The following BTBD7 variants were observed in gnomAD, a reference collection of about 807,000 sequenced individuals.
BTBD7 encodes the protein BTB/POZ domain-containing protein 7.
BTBD7 carries 38 observed loss-of-function variants against 99.9 expected under a neutral mutation model. The observed-to-expected ratio is 0.38, with a 90% CI of 0.29 to 0.50. The LOEUF is 0.50. BTBD7 is among the 20% of genes least tolerant of loss of function. The pLI, the probability that BTBD7 is intolerant of heterozygous loss-of-function variation, is 0.93. For missense variants in BTBD7, 1,170 were observed against 1,394.6 expected (o/e 0.84, Z 2.57); for synonymous variants, 520 against 511.4 (o/e 1.02, Z -0.23).
intron 1 of BTBD7, among the ~76,000 whole-genome samples, chr14:93,315,198 A>G (rs999154245): frequency 1.1e-4 from 17 of 152,284 alleles, no homozygotes; most frequent in African/African-American, 4.1e-4. Context: ...TCCAAATTAG[A>G]GTATGTGGGT....
intron 7 of BTBD7, among the ~76,000 whole-genome samples, chr14:93,252,828 GTTT>G (rs370701439): frequency 2.7e-5 from 4 of 146,736 alleles, no homozygotes; most frequent in Non-Finnish European, 4.5e-5. Flanking sequence ...TTTGTTTTTT[GTTT>G]TTTTTTTGAA....
intron 4 of BTBD7, among the ~76,000 whole-genome samples, chr14:93,262,189 G>T (rs918964869): frequency 1.3e-5 from 2 of 151,102 alleles, no homozygotes; most frequent in Admixed American, 6.6e-5. Flanking sequence ...CTGGAGTGCA[G>T]TGGTGTGATC....
At position 93,238,074 on chromosome 14, in the gene BTBD7, T is replaced by C. The variant is rs1238078411; in HGVS notation, c.*4199A>G. 1 of 152,524 alleles carries C rather than the reference T, an allele frequency of 6.6e-6. No homozygotes were observed. The highest frequency in any genetic ancestry group is 2.4e-5 in the African/African-American group (1 of 41,456). The allele number at this position is 152,524 out of a possible 1,614,324, so 9.4% of individuals were successfully genotyped here. ...CCCATGTAACCCAGATACAGTTACA[T>C]GTAGGTACAGATGATGAAGCTTCCA... On this transcript the variant is annotated 3_prime_UTR_variant, in exon 11 of 11. Transcript: ENST00000334746.
intron 1 of BTBD7, among the ~76,000 whole-genome samples, chr14:93,325,773 G>C (rs2053324062): frequency 6.6e-6 from 1 of 152,160 alleles, no homozygotes; most frequent in South Asian, 2.1e-4. Flanking sequence ...AAACCCCAAC[G>C]ATGCTCTAAA....
intron 1 of BTBD7, among the ~76,000 whole-genome samples, chr14:93,325,254 T>C (rs1256051500): frequency 2.6e-5 from 4 of 151,674 alleles, no homozygotes; most frequent in East Asian, 3.9e-4. Context: ...GCTGGGATTA[T>C]AGGCACCTGC....
At chr14:93,298,845 T>G (rs1365349404) in intron 1 of BTBD7, among the ~76,000 whole-genome samples, 1 of 152,180 alleles carries the variant, frequency 6.6e-6, no homozygotes, top group Non-Finnish European at 1.5e-5. Context: ...AAGAACAAGT[T>G]GCAAACACTA....
chr14:93,321,861 G>T (rs1485031880), intron 1 of BTBD7, among the ~76,000 whole-genome samples: 1 of 152,056 alleles, frequency 6.6e-6, no homozygotes, highest in Non-Finnish European at 1.5e-5. Flanking sequence ...ACTGACAATA[G>T]AAAGTGTGAG....
chr14:93,262,554 G>C (rs1047012070), intron 4 of BTBD7, among the ~76,000 whole-genome samples: 2 of 152,070 alleles, frequency 1.3e-5, no homozygotes, highest in African/African-American at 4.8e-5. Flanking sequence ...TCTTTTGGAA[G>C]AAAACAGAGA....
At position 93,300,756 on chromosome 14, in the gene BTBD7, GTGTGTGTGTGTGTGTGTATATA is replaced by G. The variant is rs1290851383; in HGVS notation, c.-106-4621_-106-4600del. On this transcript the variant is annotated intron_variant, in intron 1 of 10. Transcript: ENST00000334746. ...TGTGTGTGTGTGTGTGTGTGTGTGT[GTGTGTGTGTGTGTGTGTATATA>G]TATATATATTTTTTTTTTGTAGAGA... 2.9e-3 allele frequency among the ~76,000 whole-genome samples: 139 copies of G among 47,980 alleles called. 8 individuals carry two copies. Among genetic ancestry groups the G allele is most frequent in the African/African-American group, 5.2e-3 (40 of 7,638 alleles). 31.5% of individuals were successfully genotyped at this position (47,980 alleles called of 152,430 possible).
intron 1 of BTBD7, 35 bp downstream of exon 1, chr14:93,332,785 G>A: frequency 2.7e-6 from 4 of 1,464,368 alleles, no homozygotes; most frequent in Non-Finnish European, 2.7e-6. Context: ...CACAGCCTCG[G>A]CTCCACAGCC....
intron 3 of BTBD7, among the ~76,000 whole-genome samples, chr14:93,279,650 C>G (rs186368994): frequency 1.3e-3 from 192 of 152,234 alleles, no homozygotes; most frequent in African/African-American, 4.4e-3. Flanking sequence ...CGGGTTCAAG[C>G]GATTCTCCTG....
At chr14:93,272,204 C>T (rs942356917) in intron 3 of BTBD7, among the ~76,000 whole-genome samples, 2 of 152,102 alleles carry the variant, frequency 1.3e-5, no homozygotes, top group African/African-American at 4.8e-5. Context: ...ATCGCTTGAA[C>T]CCGGGAGGTA....
At chr14:93,281,847 G>A (rs755563980) in intron 3 of BTBD7, among the ~76,000 whole-genome samples, 4 of 152,176 alleles carry the variant, frequency 2.6e-5, no homozygotes, top group African/African-American at 7.2e-5. Context: ...CCCCAGCAAT[G>A]AGCATGAATT....
intron 9 of BTBD7, among the ~76,000 whole-genome samples, chr14:93,247,987 T>C (rs188853289): frequency 5.3e-5 from 8 of 152,256 alleles, no homozygotes; most frequent in African/African-American, 1.9e-4. Flanking sequence ...AGTGAGGAAG[T>C]AGACCAAACC....
At position 93,242,554 on chromosome 14, in the gene BTBD7, GAA is replaced by G; in HGVS notation, c.3116_3117del (p.Phe1039SerfsTer9). Reference protein sequence around the residue: ...VVEQPPQRSDFPLAAPENAST... With the variant: ...VVEQPPQRSDXPLAAPENAST... The stretch of plus-strand genomic sequence containing the variant: ...CTAGCATTTTCTGGGGCTGCCAAAG[GAA>G]AGTCTGACCGCTGGGGAGGTTGCTC... On this transcript the variant is annotated frameshift_variant, in exon 11 of 11. Transcript: ENST00000334746. LOFTEE classifies it high-confidence loss of function. 6.2e-7 allele frequency: 1 copy of G among 1,614,232 alleles called. No homozygotes were observed. The highest frequency in any genetic ancestry group is 8.5e-7 in the Non-Finnish European group (1 of 1,180,054).
chr14:93,243,456 G>C (rs1189445993), intron 10 of BTBD7, among the ~76,000 whole-genome samples: 1 of 152,134 alleles, frequency 6.6e-6, no homozygotes, highest in African/African-American at 2.4e-5. Flanking sequence ...GCCTCCTAAA[G>C]TGCTGGGATT....
At chr14:93,277,538 T>C (rs1243313582) in intron 3 of BTBD7, among the ~76,000 whole-genome samples, 1 of 152,196 alleles carries the variant, frequency 6.6e-6, no homozygotes, top group Non-Finnish European at 1.5e-5. Flanking sequence ...AGAAACCCAA[T>C]TCCAATTCTC....
rs1372899033 is a variant in BTBD7, at chr14:93,241,606, T to A, written c.*667A>T. 6.6e-6 allele frequency: 1 copy of A among 152,508 alleles called. No homozygotes were observed. The highest frequency in any genetic ancestry group is 1.5e-5 in the Non-Finnish European group (1 of 68,260). 9.4% of individuals were successfully genotyped at this position (152,508 alleles called of 1,614,324 possible). On this transcript the variant is annotated 3_prime_UTR_variant, in exon 11 of 11. Transcript: ENST00000334746. ...GCACAGAAGGCTTTTCTCTTTCCTGTTCTTTCCTGAACCAGCAAACTTCAG... is the reference window on the plus strand; with the variant it reads ...GCACAGAAGGCTTTTCTCTTTCCTGATCTTTCCTGAACCAGCAAACTTCAG...
At chr14:93,280,141 TATCA>T (rs1386246222) in intron 3 of BTBD7, among the ~76,000 whole-genome samples, 2 of 152,232 alleles carry the variant, frequency 1.3e-5, no homozygotes, top group Non-Finnish European at 2.9e-5. Flanking sequence ...AACAAAAAAC[TATCA>T]ATCTAGGGTT....
Sources: gnomAD v4.1 joint callset for allele counts (sites outside exome capture counted in the v4.1 genomes callset) on GRCh38, gnomAD v4.1.1 for gene constraint, MANE v1.5 for transcripts, NCBI Gene and HGNC (gene_info 2026-07-23, HGNC 2026-07-21) for gene names.